ZDHHC20: variants seen among roughly 807,000 people sequenced by gnomAD.
ZDHHC20 encodes zDHHC palmitoyltransferase 20.
ZDHHC20 carries 43 observed loss-of-function variants against 57.8 expected under a neutral mutation model. That is an observed-to-expected ratio of 0.74 (90% CI 0.58 to 0.96). The LOEUF (loss-of-function observed/expected upper bound fraction) is 0.96, where lower values mean the gene tolerates loss of function less well. Among genes scored for constraint, ZDHHC20 ranks in the 40% least tolerant of loss-of-function variants. The probability of loss-of-function intolerance (pLI) is 0.00; values close to 1 mark genes in which losing one functional copy is unlikely to be tolerated. For missense variants in ZDHHC20, 391 were observed against 441.1 expected, an observed-to-expected ratio of 0.89 and a Z score of 1.02; for synonymous variants, 157 against 153.0, an observed-to-expected ratio of 1.03 and a Z score of -0.19.
chr13:21,404,161 C>CT (rs1391918291), intron 4 of ZDHHC20, among the ~76,000 whole-genome samples: 1 of 152,178 alleles, frequency 6.6e-6, no homozygotes, highest in African/African-American at 2.4e-5. Flanking sequence ...CAGTGAAACA[C>CT]TATGCGGAGT....
Position 21,376,319 on chromosome 13 carries a change from G to C in ZDHHC20, c.*377C>G, listed in dbSNP as rs1263168512. 2 of 176,314 alleles carry C rather than the reference G, an allele frequency of 1.1e-5. No individual in the cohort carries two copies. Among genetic ancestry groups the C allele is most frequent in the African/African-American group, 4.7e-5 (2 of 42,528 alleles). The allele number at this position is 176,314 out of a possible 1,614,324, so 10.9% of individuals were successfully genotyped here. ...TGTTTTTGGAGTGAAAATGTATATG[G>C]ATACTTATTCTAATAATGTAATTCA... On this transcript the variant is annotated 3_prime_UTR_variant, in exon 13 of 13. Coordinates refer to ENST00000400590, the MANE Select transcript of ZDHHC20 (RefSeq NM_001330059.2).
At chr13:21,440,068 GAAAA>G (rs376263181) in intron 1 of ZDHHC20, among the ~76,000 whole-genome samples, 4 of 89,774 alleles carry the variant, frequency 4.5e-5, no homozygotes, top group African/African-American at 9.2e-5. Flanking sequence ...CTGTTTCTCA[GAAAA>G]AAAAAAAAAA....
intron 4 of ZDHHC20, among the ~76,000 whole-genome samples, chr13:21,409,787 A>G (rs963202704): frequency 1.2e-4 from 19 of 152,044 alleles, no homozygotes; most frequent in African/African-American, 4.3e-4. Flanking sequence ...CAGTTCCCAT[A>G]TCTTTATATC....
chr13:21,419,686 T>C (rs574623652), intron 3 of ZDHHC20, among the ~76,000 whole-genome samples: 1 of 152,284 alleles, frequency 6.6e-6, no homozygotes, highest in East Asian at 1.9e-4. Context: ...AACTAATCTA[T>C]GCTGTTAGAA....
At chr13:21,401,611 C>G in intron 6 of ZDHHC20, 42 bp downstream of exon 6, 1 of 1,519,462 alleles carries the variant, frequency 6.6e-7, no homozygotes. Flanking sequence ...TAAATTCTCT[C>G]TCTCACCACC....
intron 1 of ZDHHC20, among the ~76,000 whole-genome samples, chr13:21,449,954 T>C (rs1271382193): frequency 6.6e-6 from 1 of 152,074 alleles, no homozygotes; most frequent in African/African-American, 2.4e-5. Flanking sequence ...TATAGTCATG[T>C]TTTTCAATCT....
intron 4 of ZDHHC20, among the ~76,000 whole-genome samples, chr13:21,410,997 C>T (rs1438687869): frequency 6.6e-6 from 1 of 152,200 alleles, no homozygotes; most frequent in African/African-American, 2.4e-5. Context: ...GGTGTAGGCA[C>T]CCGAGGGAAT....
Position 21,375,395 on chromosome 13 carries a change from G to C in ZDHHC20, c.*1301C>G. 3.2e-6 allele frequency: 1 copy of C among 314,538 alleles called. No individual in the cohort carries two copies. Among genetic ancestry groups the C allele is most frequent in the South Asian group, 2.5e-5 (1 of 40,596 alleles). The allele number at this position is 314,538 out of a possible 1,614,324, so 19.5% of individuals were successfully genotyped here. A position where few individuals can be genotyped will look rare whatever the true frequency, so the allele number is the denominator to read the frequency against. The stretch of plus-strand genomic sequence containing the variant: ...TCTGTCTAAAAGGTGTAAATGAGGA[G>C]TGACATTTCTACATTGTTTATTCTG... On this transcript the variant is annotated 3_prime_UTR_variant, in exon 13 of 13. Transcript: ENST00000400590.
rs1240412005 is a variant in ZDHHC20, at chr13:21,459,088, C to G, written c.84G>C (p.Trp28Cys). 6.2e-7 allele frequency: 1 copy of G among 1,606,712 alleles called. No homozygotes were observed. The highest frequency in any genetic ancestry group is 8.5e-7 in the Non-Finnish European group (1 of 1,177,254). The change falls in exon 1 of 13, where the codon TGG (tryptophan) becomes TGC (cysteine). Residue 28 changes from tryptophan to cysteine, a missense_variant. Transcript: ENST00000400590. Reference protein sequence around the residue: ...PVLFITFVVVWSYYAYVVELC... With the variant: ...PVLFITFVVVCSYYAYVVELC... ...GCTCCACCACGTACGCGTAGTAGGACCAGACGACCACGAAGGTGATGAAGA... is the reference window on the plus strand; with the variant it reads ...GCTCCACCACGTACGCGTAGTAGGAGCAGACGACCACGAAGGTGATGAAGA...
intron 1 of ZDHHC20, among the ~76,000 whole-genome samples, chr13:21,449,614 T>C (rs1884248495): frequency 6.6e-6 from 1 of 151,852 alleles, no homozygotes; most frequent in Admixed American, 6.6e-5. Flanking sequence ...TATTTCTTGA[T>C]GGAAGAAGGT....
intron 9 of ZDHHC20, among the ~76,000 whole-genome samples, chr13:21,386,521 A>C (rs1475065979): frequency 1.3e-5 from 2 of 152,200 alleles, no homozygotes; most frequent in Non-Finnish European, 2.9e-5. Flanking sequence ...AATGCAACCC[A>C]GAAGCATAAC....
At chr13:21,429,419 A>G (rs1437372898) in intron 1 of ZDHHC20, among the ~76,000 whole-genome samples, 1 of 152,234 alleles carries the variant, frequency 6.6e-6, no homozygotes, top group East Asian at 1.9e-4. Context: ...TTCATTCAGT[A>G]CTTTAAATAT....
Position 21,438,653 on chromosome 13 carries a change from C to T in ZDHHC20, c.119-12975G>A, listed in dbSNP as rs574419521. 1.1e-3 allele frequency among the ~76,000 whole-genome samples: 173 copies of T among 152,322 alleles called. 1 individual carries two copies. The highest frequency in any genetic ancestry group is 6.8e-3 in the Middle Eastern group (2 of 294). ...ATGACAAAAACCATTTAGAATATTA[C>T]ATAAACTTAGTTGATAAAGTATCAG... On this transcript the variant is annotated intron_variant, in intron 1 of 12. Transcript: ENST00000400590.
chr13:21,400,247 G>C (rs983786741), intron 7 of ZDHHC20, 126 bp downstream of exon 7: 15 of 896,330 alleles, frequency 1.7e-5, no homozygotes, highest in Middle Eastern at 7.3e-4. Flanking sequence ...TCCTCTGATG[G>C]ATTTATAAAA....
At position 21,378,580 on chromosome 13, in the gene ZDHHC20, AT is replaced by A. The variant is rs1593162272; in HGVS notation, c.*40+80del. 10 of 821,318 alleles carry A rather than the reference AT, an allele frequency of 1.2e-5. No individual in the cohort carries two copies. In the East Asian group the frequency reaches 3.3e-4, roughly 27 times the overall value. 50.9% of individuals were successfully genotyped at this position (821,318 alleles called of 1,614,324 possible). On this transcript the variant is annotated intron_variant, in intron 12 of 12. Coordinates refer to ENST00000400590, the MANE Select transcript of ZDHHC20 (RefSeq NM_001330059.2). ...TGATATAATTAAAAAGACTAAAAAA[AT>A]ACAACTGCAAATTGTTTAAAGATTA...
intron 1 of ZDHHC20, among the ~76,000 whole-genome samples, chr13:21,426,590 CCTTT>C (rs1415333854): frequency 6.6e-6 from 1 of 150,890 alleles, no homozygotes; most frequent in Non-Finnish European, 1.5e-5. Flanking sequence ...CTGGTTTCTT[CCTTT>C]TTTTCTCCTT....
intron 1 of ZDHHC20, among the ~76,000 whole-genome samples, chr13:21,427,611 A>G (rs1441642728): frequency 2.6e-5 from 4 of 152,102 alleles, no homozygotes; most frequent in Non-Finnish European, 4.4e-5. Flanking sequence ...AGATGGGTGG[A>G]TCACTTGAGG....
intron 7 of ZDHHC20, among the ~76,000 whole-genome samples, chr13:21,395,959 C>A (rs752136362): frequency 5.1e-4 from 77 of 152,150 alleles, no homozygotes; most frequent in Non-Finnish European, 9.8e-4. Flanking sequence ...CCAGATCCCA[C>A]ACTGAGAACC....
At chr13:21,379,650 G>A (rs1872880961) in intron 11 of ZDHHC20, among the ~76,000 whole-genome samples, 1 of 151,978 alleles carries the variant, frequency 6.6e-6, no homozygotes, top group East Asian at 1.9e-4. Flanking sequence ...AAACAGATGT[G>A]TTTTAGACTG....
Sources: gnomAD v4.1 joint callset for allele counts (sites outside exome capture counted in the v4.1 genomes callset) on GRCh38, gnomAD v4.1.1 for gene constraint, MANE v1.5 for transcripts, NCBI Gene and HGNC (gene_info 2026-07-23, HGNC 2026-07-21) for gene names.